The following NPAT variants were observed in gnomAD, a reference collection of about 807,000 sequenced individuals.
The protein encoded by NPAT is nuclear protein, coactivator of histone transcription.
NPAT carries 52 observed loss-of-function variants against 130.7 expected under a neutral mutation model. The ratio of observed to expected loss-of-function variants is 0.40; its 90% CI spans 0.32 to 0.50. The LOEUF (loss-of-function observed/expected upper bound fraction) is 0.50, where lower values mean the gene tolerates loss of function less well. NPAT is among the 20% of genes least tolerant of loss of function. The pLI is 0.68. For missense variants in NPAT, 1,687 were observed against 1,662.6 expected (o/e 1.01, Z -0.26); for synonymous variants, 580 against 584.8 (o/e 0.99, Z 0.12).
intron 6 of NPAT, 56 bp from the exon 7 acceptor site, chr11:108,188,235 T>G (rs1235881458): frequency 4.8e-6 from 6 of 1,257,500 alleles, no homozygotes; most frequent in Admixed American, 1.7e-5. Context: ...TTTTCTAAAC[T>G]TGTAATGGGA....
At chr11:108,173,926 C>T in intron 12 of NPAT, 75 bp from the exon 13 acceptor site, 1 of 1,304,282 alleles carries the variant, frequency 7.7e-7, no homozygotes, top group Non-Finnish European at 1.1e-6. Context: ...TGCCATAAAA[C>T]TTATTTTGCC....
chr11:108,184,400 A>T (rs780359947), intron 10 of NPAT, among the ~76,000 whole-genome samples: 6 of 151,458 alleles, frequency 4.0e-5, no homozygotes, highest in Non-Finnish European at 5.9e-5. Context: ...TGAACCTGGG[A>T]GGCAGAGCTT....
chr11:108,193,681 C>T (rs565094132), intron 3 of NPAT, among the ~76,000 whole-genome samples: 28 of 152,042 alleles, frequency 1.8e-4, no homozygotes, highest in South Asian at 6.2e-4. Flanking sequence ...GCTGAGATTA[C>T]GCCACTGCAC....
At chr11:108,200,551 A>C (rs112418188) in intron 1 of NPAT, among the ~76,000 whole-genome samples, 21 of 152,270 alleles carry the variant, frequency 1.4e-4, no homozygotes, top group Non-Finnish European at 2.2e-4. Context: ...GTGCAGCCAC[A>C]ACTGCCATAC....
intron 3 of NPAT, among the ~76,000 whole-genome samples, chr11:108,192,553 AATT>A (rs2078180361): frequency 6.6e-6 from 1 of 152,218 alleles, no homozygotes; most frequent in Non-Finnish European, 1.5e-5. Flanking sequence ...GTCTTATAAT[AATT>A]ATCATAAAGG....
chr11:108,190,833 G>A (rs1359761003), intron 4 of NPAT, among the ~76,000 whole-genome samples: 3 of 152,176 alleles, frequency 2.0e-5, no homozygotes, highest in African/African-American at 7.2e-5. Flanking sequence ...AGCACCCTGG[G>A]GGGCTGAGGT....
chr11:108,211,519 G>A (rs2078383509), intron 1 of NPAT, among the ~76,000 whole-genome samples: 1 of 150,598 alleles, frequency 6.6e-6, no homozygotes, highest in Non-Finnish European at 1.5e-5. Context: ...CTCCAGAATA[G>A]GTGACAGAGT....
chr11:108,172,044 T>A, intron 13 of NPAT, 155 bp downstream of exon 13: 1 of 669,146 alleles, frequency 1.5e-6, no homozygotes, highest in South Asian at 1.8e-5. Context: ...AGGTTTGAAT[T>A]AGCTAGCATA....
At position 108,161,609 on chromosome 11, in the gene NPAT, A is replaced by C. The variant is rs892843195; in HGVS notation, c.3477T>G (p.Ser1159=). 2 of 1,614,156 alleles carry C rather than the reference A, an allele frequency of 1.2e-6. No homozygotes were observed. Among genetic ancestry groups the C allele is most frequent in the Non-Finnish European group, 1.7e-6 (2 of 1,180,040 alleles). ...KVSPTEIVLE[S]FHKATANKEN... is the part of the protein sequence containing the mutation. ...CCTTATTAGCTGTTGCTTTATGGAAAGATTCAAGCACAATTTCTGTTGGTG... is the reference window on the plus strand; with the variant it reads ...CCTTATTAGCTGTTGCTTTATGGAACGATTCAAGCACAATTTCTGTTGGTG... The change falls in exon 17 of 18, where the codon TCT becomes TCG. Residue 1159 remains serine (S), a synonymous_variant. Coordinates refer to ENST00000278612, the MANE Select transcript of NPAT (RefSeq NM_002519.3).
intron 1 of NPAT, among the ~76,000 whole-genome samples, chr11:108,209,898 A>T (rs2078368340): frequency 6.6e-6 from 1 of 151,110 alleles, no homozygotes; most frequent in African/African-American, 2.4e-5. Context: ...CAAAAAAAAA[A>T]AAAAAAAAAA....
chr11:108,160,613 T>G (rs1288859723), intron 17 of NPAT, among the ~76,000 whole-genome samples: 1 of 152,234 alleles, frequency 6.6e-6, no homozygotes, highest in African/African-American at 2.4e-5. Flanking sequence ...TCAGCAGTTT[T>G]TCCTGAAAAT....
chr11:108,220,919 C>T (rs185812217), intron 1 of NPAT, among the ~76,000 whole-genome samples: 12 of 152,206 alleles, frequency 7.9e-5, no homozygotes, highest in Admixed American at 5.2e-4. Context: ...AGGCACATTG[C>T]GGGATTGGTG....
At chr11:108,218,405 G>A (rs993514731) in intron 1 of NPAT, among the ~76,000 whole-genome samples, 4 of 152,156 alleles carry the variant, frequency 2.6e-5, no homozygotes, top group Non-Finnish European at 4.4e-5. Flanking sequence ...AGTAAAGCAC[G>A]CTATGTGAAA....
chr11:108,203,340 G>GA (rs1261033862), intron 1 of NPAT, among the ~76,000 whole-genome samples: 1 of 152,142 alleles, frequency 6.6e-6, no homozygotes, highest in Admixed American at 6.5e-5. Flanking sequence ...CAACCCAGGG[G>GA]ACATAGTACT....
chr11:108,160,497 C>A (rs2077835866), intron 17 of NPAT, among the ~76,000 whole-genome samples: 1 of 152,008 alleles, frequency 6.6e-6, no homozygotes, highest in Non-Finnish European at 1.5e-5. Context: ...ATATTGTTTC[C>A]CAATCTTTCA....
At chr11:108,199,615 C>T (rs778190981) in intron 1 of NPAT, among the ~76,000 whole-genome samples, 19 of 152,128 alleles carry the variant, frequency 1.2e-4, no homozygotes, top group Non-Finnish European at 2.2e-4. Flanking sequence ...CAGTTAAGAG[C>T]GAATGGCACA....
intron 17 of NPAT, among the ~76,000 whole-genome samples, chr11:108,160,577 C>T (rs1417478780): frequency 1.3e-5 from 2 of 151,822 alleles, no homozygotes; most frequent in African/African-American, 2.4e-5. Flanking sequence ...TCTTTTCCCC[C>T]GGAAAGATGT....
At chr11:108,159,077 T>C in intron 17 of NPAT, 58 bp from the exon 18 acceptor site, 1 of 1,072,800 alleles carries the variant, frequency 9.3e-7, no homozygotes, top group Non-Finnish European at 1.4e-6. Flanking sequence ...GCTTTCTTAG[T>C]AAGTCACCTA....
rs113646651 is a variant in NPAT at position 108,194,330 on chromosome 11, G to GTA, written c.157-315_157-314dup. Among the ~76,000 whole-genome samples the GTA allele has an allele frequency of 2.0e-4, 30 of 151,724 alleles. 1 individual carries two copies. Among genetic ancestry groups the GTA allele is most frequent in the African/African-American group, 3.9e-4 (16 of 41,396 alleles). On this transcript the variant is annotated intron_variant, in intron 2 of 17. Coordinates refer to ENST00000278612, the MANE Select transcript of NPAT (RefSeq NM_002519.3). Reference sequence around the variant, plus strand: ...ACACAAGCATTTGTATCATCTAGCTGTATATATATATATTAAAATAACTAC... The same window carrying GTA: ...ACACAAGCATTTGTATCATCTAGCTGTATATATATATATATTAAAATAACTAC...
Sources: allele counts gnomAD v4.1 joint callset (sites outside exome capture counted in the v4.1 genomes callset), GRCh38; gene constraint gnomAD v4.1.1; transcripts MANE v1.5; gene names NCBI Gene and HGNC (gene_info 2026-07-23, HGNC 2026-07-21).